Variants in RAPGEF4 observed in about 807,000 individuals in gnomAD.
RAPGEF4 encodes Rap guanine nucleotide exchange factor 4, also known as RAP guanine-nucleotide-exchange factor (GEF) 4.
Under a neutral mutation model 147.9 loss-of-function variants are expected in RAPGEF4, and 66 were observed. The ratio of observed to expected loss-of-function variants is 0.45; its 90% CI spans 0.37 to 0.55. The LOEUF (loss-of-function observed/expected upper bound fraction) is 0.55, where lower values mean the gene tolerates loss of function less well. Among genes scored for constraint, RAPGEF4 ranks in the 20% least tolerant of loss-of-function variants. The probability of loss-of-function intolerance (pLI) is 0.00; values close to 1 mark genes in which losing one functional copy is unlikely to be tolerated. For synonymous variants in RAPGEF4, 419 were observed against 442.7 expected, an observed-to-expected ratio of 0.95 and a Z score of 0.67; for missense variants, 1,071 against 1,257.3, an observed-to-expected ratio of 0.85 and a Z score of 2.24.
chr2:173,030,339 C>A, intron 26 of RAPGEF4, 85 bp downstream of exon 26: 1 of 1,040,626 alleles, frequency 9.6e-7, no homozygotes, highest in Non-Finnish European at 1.5e-6. Context: ...ATAGAAATAT[C>A]ACTCACACTA....
chr2:172,947,538 T>G (rs1450398061), intron 6 of RAPGEF4, among the ~76,000 whole-genome samples: 1 of 151,740 alleles, frequency 6.6e-6, no homozygotes, highest in Non-Finnish European at 1.5e-5. Flanking sequence ...GGTAACATTT[T>G]TTTTCTGGGT....
At chr2:172,985,362 A>G (rs577610683) in intron 11 of RAPGEF4, 71 bp from the exon 12 acceptor site, 17 of 1,609,290 alleles carry the variant, frequency 1.1e-5, no homozygotes, top group Non-Finnish European at 1.4e-5. Context: ...GTGCCCCCAG[A>G]AAGAGTACAA....
chr2:172,814,395 C>A lies in RAPGEF4; in HGVS notation c.414C>A (p.Ile138=), dbSNP rs1442027973. Residue 138 remains isoleucine (I), a synonymous_variant, in exon 4 of 31, where the codon ATC becomes ATA. Transcript: ENST00000397081. ...GGGAGAGCAGTGAACTGCTCCGCATCGAGCAGAAGGACTTCAAGGCACTAT... is the reference window on the plus strand; with the variant it reads ...GGGAGAGCAGTGAACTGCTCCGCATAGAGCAGAAGGACTTCAAGGCACTAT... ...VTRESSELLR[I]EQKDFKALWE... The A allele has an allele frequency of 1.9e-6, 3 of 1,614,148 alleles. No homozygotes were observed. Among genetic ancestry groups the A allele is most frequent in the South Asian group, 1.1e-5 (1 of 91,078 alleles).
intron 1 of RAPGEF4, among the ~76,000 whole-genome samples, chr2:172,778,167 A>C (rs1381444736): frequency 6.6e-6 from 1 of 152,124 alleles, no homozygotes; most frequent in East Asian, 1.9e-4. Context: ...AGCTGATGAA[A>C]TTAGTTCTAG....
chr2:172,782,322 G>T (rs189748264), intron 1 of RAPGEF4, among the ~76,000 whole-genome samples: 4 of 152,268 alleles, frequency 2.6e-5, no homozygotes, highest in Admixed American at 2.6e-4. Context: ...GGGATAAAAG[G>T]CAGAGAATCA....
chr2:172,738,114 A>T lies in RAPGEF4; in HGVS notation c.65+2066A>T, dbSNP rs575842955. 7.0e-4 allele frequency among the ~76,000 whole-genome samples: 106 copies of T among 152,202 alleles called. 3 individuals carry two copies. The South Asian group carries it at 0.022, about 31-fold the overall frequency. Reference sequence around the variant, plus strand: ...GATTGTTTATTTATTTATTTTTTTTAGGAAAGGAGAAAGGTTGAGAGTGTT... The same window carrying T: ...GATTGTTTATTTATTTATTTTTTTTTGGAAAGGAGAAAGGTTGAGAGTGTT... On this transcript the variant is annotated intron_variant, in intron 1 of 30. Coordinates refer to ENST00000397081, the MANE Select transcript of RAPGEF4 (RefSeq NM_007023.4).
Position 173,018,703 on chromosome 2 carries a change from G to A in RAPGEF4, c.2056G>A (p.Val686Met). 6.2e-7 allele frequency: 1 copy of A among 1,614,098 alleles called. No homozygotes were observed. The highest frequency in any genetic ancestry group is 8.5e-7 in the Non-Finnish European group (1 of 1,180,024). Reference sequence around the variant, plus strand: ...GGACCACACCTACACAACCATTCGGGTGCCAGTGGCCACTTCGGTGAAGGA... The same window carrying A: ...GGACCACACCTACACAACCATTCGGATGCCAGTGGCCACTTCGGTGAAGGA... ...CMDHTYTTIRVPVATSVKEVI... is the reference protein window; with the variant it reads ...CMDHTYTTIRMPVATSVKEVI... Residue 686 changes from valine to methionine, a missense_variant, in exon 22 of 31, where the codon GTG (valine) becomes ATG (methionine). Physicochemically the swap from Val to Met is conservative, Grantham distance 21. Coordinates refer to ENST00000397081, the MANE Select transcript of RAPGEF4 (RefSeq NM_007023.4).
Position 172,961,138 on chromosome 2 carries a change from T to A in RAPGEF4, c.608T>A (p.Ile203Asn). 6.2e-7 allele frequency: 1 copy of A among 1,610,170 alleles called. No homozygotes were observed. The highest frequency in any genetic ancestry group is 2.2e-5 in the East Asian group (1 of 44,862). The change falls in exon 8 of 31, where the codon ATC (isoleucine) becomes AAC (asparagine). Residue 203 changes from isoleucine (I) to asparagine (N), a missense_variant. By Grantham distance (149) the Ile-to-Asn change is moderately radical. Coordinates refer to ENST00000397081, the MANE Select transcript of RAPGEF4 (RefSeq NM_007023.4). ...ACAATCCAGGTCCCTTCAGAGAAGA[T>A]CCTCAGAGCTGGAAAAATTTTACGA... ...NTITKVPSEK[I>N]LRAGKILRNA...
chr2:172,942,492 A>T (rs1451488907), intron 6 of RAPGEF4, among the ~76,000 whole-genome samples: 1 of 150,608 alleles, frequency 6.6e-6, no homozygotes, highest in Non-Finnish European at 1.5e-5. Context: ...GCCACGCTAT[A>T]TGCCAGGTGC....
intron 7 of RAPGEF4, 76 bp downstream of exon 7, chr2:172,960,889 G>T: frequency 8.1e-7 from 1 of 1,229,194 alleles, no homozygotes; most frequent in South Asian, 1.3e-5. Flanking sequence ...CATATGTCAG[G>T]GGATCACATC....
At chr2:172,808,208 A>C (rs960175123) in intron 3 of RAPGEF4, among the ~76,000 whole-genome samples, 3 of 152,264 alleles carry the variant, frequency 2.0e-5, no homozygotes, top group African/African-American at 7.2e-5. Context: ...ATTTACAATG[A>C]AACAAATAAA....
chr2:173,039,301 C>CA (rs373066887), intron 29 of RAPGEF4, among the ~76,000 whole-genome samples: 6,276 of 138,888 alleles, frequency 0.045, 153 homozygotes, highest in Non-Finnish European at 0.061. Flanking sequence ...ACTAAAAATA[C>CA]AAAAAAAAAA....
At chr2:172,926,900 A>T (rs960424644) in intron 6 of RAPGEF4, among the ~76,000 whole-genome samples, 2 of 152,170 alleles carry the variant, frequency 1.3e-5, no homozygotes, top group African/African-American at 4.8e-5. Flanking sequence ...CAGTTATAGT[A>T]TTGATAGTAT....
chr2:172,976,180 G>A (rs865947525), intron 10 of RAPGEF4, among the ~76,000 whole-genome samples: 15 of 152,162 alleles, frequency 9.9e-5, no homozygotes, highest in South Asian at 2.1e-4. Flanking sequence ...AACTTAAAAC[G>A]TCCTTTTTGG....
At chr2:172,960,459 AG>A (rs1689167726) in intron 6 of RAPGEF4, among the ~76,000 whole-genome samples, 1 of 152,078 alleles carries the variant, frequency 6.6e-6, no homozygotes, top group Admixed American at 6.6e-5. Flanking sequence ...GATGTTTGTT[AG>A]GCTCTGAATA....
chr2:173,050,443 C>A (rs958291912), intron 30 of RAPGEF4, among the ~76,000 whole-genome samples: 1 of 152,166 alleles, frequency 6.6e-6, no homozygotes, highest in African/African-American at 2.4e-5. Context: ...AGACCTGCAA[C>A]ACTCCCCTTC....
chr2:172,833,567 T>A (rs1690606511), intron 4 of RAPGEF4, among the ~76,000 whole-genome samples: 1 of 152,232 alleles, frequency 6.6e-6, no homozygotes, highest in Non-Finnish European at 1.5e-5. Flanking sequence ...TTGGCAGTTG[T>A]ACTGTTTTTG....
chr2:172,912,848 G>T (rs1345837325), intron 4 of RAPGEF4, among the ~76,000 whole-genome samples: 1 of 151,560 alleles, frequency 6.6e-6, no homozygotes, highest in African/African-American at 2.4e-5. Context: ...GCAAAACAAG[G>T]GTGAGTGTGA....
At position 173,001,481 on chromosome 2, in the gene RAPGEF4, T is replaced by C. The variant is rs376003170; in HGVS notation, c.1658+137T>C. Reference sequence around the variant, plus strand: ...GCATTCCACCCTCATCACACTGAAATGTGTTTTCCCACATTTCCCACAGTT... The same window carrying C: ...GCATTCCACCCTCATCACACTGAAACGTGTTTTCCCACATTTCCCACAGTT... On this transcript the variant is annotated intron_variant, in intron 17 of 30. Transcript: ENST00000397081. 2.7e-5 allele frequency: 29 copies of C among 1,071,982 alleles called. 1 individual carries two copies. The African/African-American group carries it at 4.1e-4, about 15-fold the overall frequency. 66.4% of individuals were successfully genotyped at this position (1,071,982 alleles called of 1,614,324 possible).
Sources: allele counts gnomAD v4.1 joint callset (sites outside exome capture counted in the v4.1 genomes callset), GRCh38; gene constraint gnomAD v4.1.1; transcripts MANE v1.5; gene names NCBI Gene and HGNC (gene_info 2026-07-23, HGNC 2026-07-21).